The following ROS1 variants were observed in gnomAD, a reference collection of about 807,000 sequenced individuals.
ROS1 encodes the protein proto-oncogene tyrosine-protein kinase ROS.
Under a neutral mutation model 273.5 loss-of-function variants are expected in ROS1, and 263 were observed. The observed-to-expected ratio is 0.96, with a 90% CI of 0.87 to 1.06. ROS1 has a LOEUF of 1.06. ROS1 is among the 50% of genes least tolerant of loss of function. The pLI is 0.00. For synonymous variants in ROS1, 1,008 were observed against 954.1 expected, an observed-to-expected ratio of 1.06 and a Z score of -1.04; for missense variants, 2,833 against 2,751.1, an observed-to-expected ratio of 1.03 and a Z score of -0.67.
chr6:117,331,825 A>G (rs1017444511), intron 32 of ROS1, among the ~76,000 whole-genome samples: 1 of 152,238 alleles, frequency 6.6e-6, no homozygotes, highest in Admixed American at 6.5e-5. Context: ...CTGCCCTGCA[A>G]CAGCTCCTGA....
At chr6:117,363,394 T>C (rs967806793) in intron 21 of ROS1, among the ~76,000 whole-genome samples, 3 of 152,126 alleles carry the variant, frequency 2.0e-5, no homozygotes, top group African/African-American at 7.2e-5. Flanking sequence ...AGAGTAAGGT[T>C]TGGGAGTATT....
intron 32 of ROS1, 132 bp from the exon 33 acceptor site, chr6:117,329,578 C>T (rs2128594110): frequency 1.8e-6 from 1 of 563,526 alleles, no homozygotes; most frequent in Non-Finnish European, 3.1e-6. Flanking sequence ...CCAAGATGGC[C>T]GACTAGAAGC....
Position 117,300,971 on chromosome 6 carries a change from T to C in ROS1, c.6715+3A>G. The C allele has an allele frequency of 6.5e-7, 1 of 1,550,362 alleles. No homozygotes were observed. The highest frequency in any genetic ancestry group is 8.7e-7 in the Non-Finnish European group (1 of 1,153,470). ...CTAGAAAATTCTGAAGAATCAAACTTACCTTCAAAGCTTTCATTTATGACT... is the reference window on the plus strand; with the variant it reads ...CTAGAAAATTCTGAAGAATCAAACTCACCTTCAAAGCTTTCATTTATGACT... On this transcript the variant is annotated splice_donor_region_variant and intron_variant, in intron 43 of 43. Coordinates refer to ENST00000368507, the MANE Select transcript of ROS1 (RefSeq NM_001378902.1).
At position 117,397,075 on chromosome 6, in the gene ROS1, T is replaced by C. The variant is rs1052820169; in HGVS notation, c.646A>G (p.Ser216Gly). The change falls in exon 8 of 44, where the codon AGT (serine) becomes GGT (glycine). Residue 216 changes from serine (S) to glycine (G), a missense_variant. Physicochemically the swap from Ser to Gly is moderately conservative, Grantham distance 56. Coordinates refer to ENST00000368507, the MANE Select transcript of ROS1 (RefSeq NM_001378902.1). Reference sequence around the variant, plus strand: ...CAGCTGACTTCCACAGTGTCGGGACTTGAGCTCTCAATATTCCTAATCAAA... The same window carrying C: ...CAGCTGACTTCCACAGTGTCGGGACCTGAGCTCTCAATATTCCTAATCAAA... ...APLIRNIESS[S>G]PDTVEVSWDP... The C allele has an allele frequency of 6.2e-7, 1 of 1,613,860 alleles. No homozygotes were observed. The highest frequency in any genetic ancestry group is 1.3e-5 in the African/African-American group (1 of 74,916).
At position 117,386,739 on chromosome 6, in the gene ROS1, G is replaced by T. The variant is rs866102514; in HGVS notation, c.2110+150C>A. 10 of 472,770 alleles carry T rather than the reference G, an allele frequency of 2.1e-5. No homozygotes were observed. In the Middle Eastern group the frequency reaches 2.2e-3, roughly 102 times the overall value. The allele number at this position is 472,770 out of a possible 1,614,324, so 29.3% of individuals were successfully genotyped here. On this transcript the variant is annotated intron_variant, in intron 15 of 43. Transcript: ENST00000368507. ...TCTAAGAACTGACATTTTCTTAACA[G>T]AATCACTGGCAGTAGAGTTCAGTCA...
intron 28 of ROS1, among the ~76,000 whole-genome samples, chr6:117,343,646 T>C (rs1396469575): frequency 6.6e-6 from 1 of 152,256 alleles, no homozygotes; most frequent in African/African-American, 2.4e-5. Flanking sequence ...ACAATTTTTA[T>C]ATTAGATAAA....
At chr6:117,425,000 A>C (rs1252244367) in intron 1 of ROS1, among the ~76,000 whole-genome samples, 1 of 152,226 alleles carries the variant, frequency 6.6e-6, no homozygotes, top group East Asian at 1.9e-4. Flanking sequence ...ATGAGAATGA[A>C]AGCATGAATT....
At chr6:117,353,860 A>G (rs1483667011) in intron 26 of ROS1, among the ~76,000 whole-genome samples, 2 of 152,216 alleles carry the variant, frequency 1.3e-5, no homozygotes, top group African/African-American at 2.4e-5. Flanking sequence ...ACTTTTGGCT[A>G]CAACAAAAAG....
intron 27 of ROS1, among the ~76,000 whole-genome samples, chr6:117,351,603 A>G (rs567055669): frequency 5.3e-5 from 8 of 152,158 alleles, no homozygotes; most frequent in East Asian, 1.9e-4. Context: ...TACCACTAAC[A>G]CTGCTTTCTA....
chr6:117,355,616 GTT>G (rs1230914772), intron 26 of ROS1, among the ~76,000 whole-genome samples: 1 of 144,364 alleles, frequency 6.9e-6, no homozygotes, highest in Non-Finnish European at 1.5e-5. Flanking sequence ...TTTAATTTTA[GTT>G]TTTTTTTTTT....
rs1772718414 is a variant in ROS1 at position 117,387,875 on chromosome 6, T to C, written c.1904A>G (p.Gln635Arg). 6.2e-7 allele frequency: 1 copy of C among 1,614,236 alleles called. No individual in the cohort carries two copies. Among genetic ancestry groups the C allele is most frequent in the South Asian group, 1.1e-5 (1 of 91,084 alleles). The change falls in exon 14 of 44, where the codon CAG (glutamine) becomes CGG (arginine). Residue 635 changes from glutamine (Q) to arginine (R), a missense_variant. Transcript: ENST00000368507. ...SGTMLNVPEL[Q>R]SAMKYKVSVR... The stretch of plus-strand genomic sequence containing the variant: ...AGAAACCTTGTATTTCATAGCACTC[T>C]GCAGCTCAGGTACATTCAGCATGGT...
At position 117,397,121 on chromosome 6, in the gene ROS1, A is replaced by C; in HGVS notation, c.605-5T>G. 2 of 1,595,982 alleles carry C rather than the reference A, an allele frequency of 1.3e-6. No individual in the cohort carries two copies. The highest frequency in any genetic ancestry group is 1.7e-6 in the Non-Finnish European group (2 of 1,163,918). On this transcript the variant is annotated splice_region_variant and splice_polypyrimidine_tract_variant and intron_variant, in intron 7 of 43. Coordinates refer to ENST00000368507, the MANE Select transcript of ROS1 (RefSeq NM_001378902.1). ...TCAAAGGTGCAGTTTCAGGAACTGG[A>C]AGAGATAATGGTGACATAATGAGCA...
At chr6:117,316,448 C>T (rs1310797883) in intron 39 of ROS1, among the ~76,000 whole-genome samples, 1 of 139,590 alleles carries the variant, frequency 7.2e-6, no homozygotes, top group Non-Finnish European at 1.5e-5. Context: ...GCTGACTTGT[C>T]TTATCTTACG....
rs190657198 is a variant in ROS1, at chr6:117,288,498, A to C, written c.7020T>G (p.Ser2340=). The C allele has an allele frequency of 2.5e-6, 4 of 1,610,852 alleles. No homozygotes were observed. In the East Asian group the frequency reaches 6.7e-5, roughly 27 times the overall value. Residue 2340 remains serine (S), a synonymous_variant, in exon 44 of 44, where the codon TCT becomes TCG. Transcript: ENST00000368507. ...CLTHSGYGDG[S]D ...TATTTCCCAAACAACGCTATTAATC[A>C]GACCCATCTCCATATCCACTGTGAG...
intron 22 of ROS1, among the ~76,000 whole-genome samples, chr6:117,361,224 T>C (rs1319524212): frequency 6.6e-6 from 1 of 152,024 alleles, no homozygotes; most frequent in African/African-American, 2.4e-5. Flanking sequence ...TTCTATTATG[T>C]AATAAATTAT....
chr6:117,336,327 C>T (rs72963570), intron 32 of ROS1, among the ~76,000 whole-genome samples: 3,438 of 151,942 alleles, frequency 0.023, 53 homozygotes, highest in Middle Eastern at 0.044. Flanking sequence ...ATCCCCCCAC[C>T]CCTCCCCCTG....
At chr6:117,378,157 C>A (rs969114625) in intron 18 of ROS1, among the ~76,000 whole-genome samples, 2 of 152,126 alleles carry the variant, frequency 1.3e-5, no homozygotes, top group Non-Finnish European at 2.9e-5. Context: ...TATCACCCAG[C>A]AATTCTACTC....
In ROS1 at chr6:117,383,352, C is replaced by G. The variant is rs544407860; in HGVS notation, c.2446G>C (p.Val816Leu). Residue 816 changes from valine (V) to leucine (L), a missense_variant, in exon 17 of 44, where the codon GTA becomes CTA. By Grantham distance (32) the Val-to-Leu change is conservative. Transcript: ENST00000368507. ...GAAAACCAAGGCTGTGTCTGTAGTA[C>G]AAGGGAACTTTCCCCATTTAGTCTG... ...STRLNGESSL[V>L]LQTQPWFSGK... is the part of the protein sequence containing the mutation. The G allele has an allele frequency of 1.9e-6, 3 of 1,613,896 alleles. No individual in the cohort carries two copies. The Admixed American group carries it at 5.0e-5, about 27-fold the overall frequency.
chr6:117,397,125 G>C lies in ROS1; in HGVS notation c.605-9C>G. 6.3e-7 allele frequency: 1 copy of C among 1,577,336 alleles called. No homozygotes were observed. Among genetic ancestry groups the C allele is most frequent in the Non-Finnish European group, 8.7e-7 (1 of 1,148,128 alleles). The stretch of plus-strand genomic sequence containing the variant: ...AGGTGCAGTTTCAGGAACTGGAAGA[G>C]ATAATGGTGACATAATGAGCAGAAA... On this transcript the variant is annotated splice_polypyrimidine_tract_variant and intron_variant, in intron 7 of 43. Transcript: ENST00000368507.
Sources: allele counts gnomAD v4.1 joint callset (sites outside exome capture counted in the v4.1 genomes callset), GRCh38; gene constraint gnomAD v4.1.1; transcripts MANE v1.5; gene names NCBI Gene and HGNC (gene_info 2026-07-23, HGNC 2026-07-21).